The following WDFY3 variants were observed in gnomAD, a reference collection of about 807,000 sequenced individuals.
The protein encoded by WDFY3 is WD repeat and FYVE domain containing 3, also known as WD repeat and FYVE domain-containing protein 3.
A neutral mutation model predicts 409.6 loss-of-function variants in WDFY3; 66 were observed. The ratio of observed to expected loss-of-function variants is 0.16; its 90% CI spans 0.13 to 0.20. The LOEUF is 0.20. Among genes scored for constraint, WDFY3 ranks in the 10% least tolerant of loss-of-function variants. The probability of loss-of-function intolerance (pLI) is 1.00; values close to 1 mark genes in which losing one functional copy is unlikely to be tolerated. For synonymous variants in WDFY3, 1,521 were observed against 1,537.1 expected (o/e 0.99, Z 0.25); for missense variants, 3,031 against 4,298.1 (o/e 0.71, Z 8.24).
rs1359179834 is a variant in WDFY3 at position 84,765,825 on chromosome 4, T to A, written c.5173A>T (p.Ile1725Phe). The A allele has an allele frequency of 1.9e-6, 3 of 1,613,786 alleles. No homozygotes were observed. The highest frequency in any genetic ancestry group is 2.5e-6 in the Non-Finnish European group (3 of 1,179,882). Residue 1725 changes from isoleucine (I) to phenylalanine (F), a missense_variant, in exon 32 of 68, where the codon ATT (isoleucine) becomes TTT (phenylalanine). This residue lies in a region of WDFY3 where 342 missense variants were observed against 463.7 expected (regional missense o/e 0.74). Transcript: ENST00000295888. ...AGTCCCATACCTAATACAGTTCCAA[T>A]CTTATTAGTTAAGACAGAATCTGTC... is the stretch of plus-strand genomic sequence containing the variant. ...EQTDSVLTNK[I>F]GTVLGFNVGR...
chr4:84,695,212 C>A (rs1729887657), intron 58 of WDFY3, among the ~76,000 whole-genome samples: 1 of 152,098 alleles, frequency 6.6e-6, no homozygotes, highest in Admixed American at 6.5e-5. Flanking sequence ...CATCACTGAA[C>A]ATGAAACAGG....
At chr4:84,747,216 A>G (rs1578344622) in intron 36 of WDFY3, among the ~76,000 whole-genome samples, 1 of 152,336 alleles carries the variant, frequency 6.6e-6, no homozygotes, top group East Asian at 1.9e-4. Flanking sequence ...TTTGTGTCCC[A>G]CACACAGGCC....
chr4:84,805,024 A>G (rs775076240), intron 15 of WDFY3, among the ~76,000 whole-genome samples: 11 of 152,202 alleles, frequency 7.2e-5, no homozygotes, highest in Non-Finnish European at 1.3e-4. Flanking sequence ...ACATGACGCC[A>G]TAAGTAGAAA....
chr4:84,966,052 C>A (rs1352812015), intron 1 of WDFY3, among the ~76,000 whole-genome samples, 157 bp downstream of exon 1: 1 of 151,934 alleles, frequency 6.6e-6, no homozygotes, highest in Non-Finnish European at 1.5e-5. Flanking sequence ...GGGAGGACAG[C>A]AGCTGGGCCG....
chr4:84,763,662 C>T (rs948157283), intron 32 of WDFY3, among the ~76,000 whole-genome samples: 1 of 149,836 alleles, frequency 6.7e-6, no homozygotes, highest in African/African-American at 2.5e-5. Context: ...ATCAAATGAG[C>T]TGATATGTAC....
intron 50 of WDFY3, among the ~76,000 whole-genome samples, chr4:84,714,949 C>CAA (rs770343929): frequency 5.5e-5 from 4 of 73,090 alleles, no homozygotes; most frequent in African/African-American, 1.5e-4. Flanking sequence ...GACTCCGTCT[C>CAA]AAAAAAAAAA....
At position 84,885,296 on chromosome 4, in the gene WDFY3, C is replaced by T. The variant is rs369769605; in HGVS notation, c.-32+11615G>A. On this transcript the variant is annotated intron_variant, in intron 3 of 67. Coordinates refer to ENST00000295888, the MANE Select transcript of WDFY3 (RefSeq NM_014991.6). ...CTGGGATTACAGGAGTGAGCCACCA[C>T]GCCTGGCAAATATATACATACATAC... 5.3e-5 allele frequency among the ~76,000 whole-genome samples: 8 copies of T among 150,456 alleles called. No individual in the cohort carries two copies. In the South Asian group the frequency reaches 1.1e-3, roughly 20 times the overall value.
At position 84,751,543 on chromosome 4, in the gene WDFY3, T is replaced by C; in HGVS notation, c.5913A>G (p.Ile1971Met). The C allele has an allele frequency of 6.2e-7, 1 of 1,614,224 alleles. No individual in the cohort carries two copies. Among genetic ancestry groups the C allele is most frequent in the Non-Finnish European group, 8.5e-7 (1 of 1,180,034 alleles). Reference protein sequence around the residue: ...FVFDFMRVLIIDNLCLTPASK... With the variant: ...FVFDFMRVLIMDNLCLTPASK... ...TGGCAGGAGTGAGACAGAGGTTGTC[T>C]ATGATTAAGACCCGCATGAAGTCAA... Residue 1971 changes from isoleucine to methionine, a missense_variant, in exon 36 of 68, where the codon ATA becomes ATG. Ile to Met is a conservative substitution (Grantham distance 10). Around this residue, in one of 16 missense-constraint regions of WDFY3, gnomAD observed 314 missense variants for 397.4 expected, o/e 0.79. Coordinates refer to ENST00000295888, the MANE Select transcript of WDFY3 (RefSeq NM_014991.6).
At chr4:84,887,684 C>T (rs1437694227) in intron 3 of WDFY3, among the ~76,000 whole-genome samples, 3 of 152,148 alleles carry the variant, frequency 2.0e-5, no homozygotes, top group Non-Finnish European at 4.4e-5. Context: ...TATGGAAGCT[C>T]AGAGTTTAAG....
At chr4:84,686,451 T>C (rs371186422) in intron 62 of WDFY3, among the ~76,000 whole-genome samples, 1 of 152,232 alleles carries the variant, frequency 6.6e-6, no homozygotes, top group Non-Finnish European at 1.5e-5. Context: ...GATTGACAAC[T>C]GTAAGTGAAT....
rs142255758 is a variant in WDFY3 at position 84,863,227 on chromosome 4, G to A, written c.-31-2605C>T. ...TCAAGATACTGATTTCATTTCCTTT[G>A]GAAATATACCCAGAAATGAGACTGC... On this transcript the variant is annotated intron_variant, in intron 3 of 67. Transcript: ENST00000295888. Among the ~76,000 whole-genome samples the A allele has an allele frequency of 1.5e-4, 23 of 152,178 alleles. No homozygotes were observed. The East Asian group carries it at 3.7e-3, about 24-fold the overall frequency.
At chr4:84,907,714 C>T (rs1767226902) in intron 2 of WDFY3, among the ~76,000 whole-genome samples, 1 of 151,604 alleles carries the variant, frequency 6.6e-6, no homozygotes, top group South Asian at 2.1e-4. Context: ...TTCGTTCAAG[C>T]AATAATCATT....
chr4:84,885,328 A>ATGTG (rs1491377507), intron 3 of WDFY3, among the ~76,000 whole-genome samples: 1 of 80,876 alleles, frequency 1.2e-5, no homozygotes, highest in Non-Finnish European at 2.5e-5. Context: ...ATACATATAC[A>ATGTG]TATGTGTGTG....
Position 84,671,492 on chromosome 4 carries a change from T to A in WDFY3, c.*1376A>T, listed in dbSNP as rs1433853111. Reference sequence around the variant, plus strand: ...TTAATTGTTTCATTTTTAATATATATTATATATATATATATATGTACATAA... The same window carrying A: ...TTAATTGTTTCATTTTTAATATATAATATATATATATATATATGTACATAA... On this transcript the variant is annotated 3_prime_UTR_variant, in exon 68 of 68. Transcript: ENST00000295888. The A allele has an allele frequency of 2.0e-5, 3 of 146,888 alleles. No homozygotes were observed. Among genetic ancestry groups the A allele is most frequent in the South Asian group, 2.1e-4 (1 of 4,666 alleles). The allele number at this position is 146,888 out of a possible 1,614,324, so 9.1% of individuals were successfully genotyped here.
intron 43 of WDFY3, among the ~76,000 whole-genome samples, chr4:84,734,550 A>T (rs1013480979): frequency 6.6e-6 from 1 of 152,254 alleles, no homozygotes; most frequent in Non-Finnish European, 1.5e-5. Context: ...TTGAGTAATT[A>T]TGAATTTACC....
intron 11 of WDFY3, among the ~76,000 whole-genome samples, 153 bp downstream of exon 11, chr4:84,820,931 G>A (rs770695914): frequency 1.3e-5 from 2 of 152,018 alleles, no homozygotes; most frequent in Non-Finnish European, 2.9e-5. Flanking sequence ...GAATGAACCT[G>A]TAAATTTTGG....
intron 63 of WDFY3, 22 bp from the exon 64 acceptor site, chr4:84,682,492 A>G (rs774762469): frequency 6.3e-7 from 1 of 1,599,156 alleles, no homozygotes; most frequent in South Asian, 1.1e-5. Context: ...TAAGTACAAA[A>G]ATTAAAAAGT....
chr4:84,735,992 C>T (rs1737374923), intron 42 of WDFY3, among the ~76,000 whole-genome samples, 178 bp downstream of exon 42: 1 of 152,060 alleles, frequency 6.6e-6, no homozygotes, highest in Non-Finnish European at 1.5e-5. Context: ...AAGTAAATAG[C>T]ACTCATATAT....
chr4:84,854,073 G>C (rs779432043), intron 4 of WDFY3, among the ~76,000 whole-genome samples: 1 of 152,166 alleles, frequency 6.6e-6, no homozygotes, highest in Non-Finnish European at 1.5e-5. Flanking sequence ...TAGGGTAGCT[G>C]AAAGAGAATG....
Sources: allele counts gnomAD v4.1 joint callset (sites outside exome capture counted in the v4.1 genomes callset), GRCh38; gene constraint gnomAD v4.1.1; regional missense constraint gnomAD v4.1.1; transcripts MANE v1.5; gene names NCBI Gene and HGNC (gene_info 2026-07-23, HGNC 2026-07-21).